The following GDAP1 variants were observed in gnomAD, a reference collection of about 807,000 sequenced individuals.
The protein encoded by GDAP1 is ganglioside induced differentiation associated protein 1.
A neutral mutation model predicts 40.1 loss-of-function variants in GDAP1; 34 were observed. The ratio of observed to expected loss-of-function variants is 0.85; its 90% CI spans 0.64 to 1.13. GDAP1 has a LOEUF of 1.13. Ranked by LOEUF, GDAP1 falls within the 50% of genes most tolerant of loss-of-function variation. GDAP1 has a pLI of 0.00. For missense variants in GDAP1, 374 were observed against 433.7 expected, an observed-to-expected ratio of 0.86 and a Z score of 1.22; for synonymous variants, 170 against 157.4, an observed-to-expected ratio of 1.08 and a Z score of -0.60.
At chr8:74,485,106 T>A (rs910824023) in intron 2 of GDAP1, among the ~76,000 whole-genome samples, 4 of 152,178 alleles carry the variant, frequency 2.6e-5, no homozygotes, top group Non-Finnish European at 1.5e-5. Context: ...TAATTTTTTT[T>A]ATAATTCCTT....
At chr8:74,375,001 G>C (rs1809826812) in intron 2 of GDAP1, among the ~76,000 whole-genome samples, 1 of 152,154 alleles carries the variant, frequency 6.6e-6, no homozygotes, top group African/African-American at 2.4e-5. Context: ...TATGAGACCA[G>C]TATAACCCTG....
Position 74,406,433 on chromosome 8 carries a change from C to T in GDAP1, c.165+55112C>T, listed in dbSNP as rs551954349. Among the ~76,000 whole-genome samples, 9 of 150,308 alleles carry T rather than the reference C, an allele frequency of 6.0e-5. 1 individual carries two copies. The highest frequency in any genetic ancestry group is 2.1e-4 in the South Asian group (1 of 4,822). Reference sequence around the variant, plus strand: ...AACACACATGCACTTCTAACAGGACCGGCATTAACATAATACTCTGTGATA... The same window carrying T: ...AACACACATGCACTTCTAACAGGACTGGCATTAACATAATACTCTGTGATA... On this transcript the variant is annotated intron_variant, in intron 2 of 2. Transcript: ENST00000523640.
chr8:74,356,865 C>T (rs565296711), intron 2 of GDAP1, among the ~76,000 whole-genome samples: 2 of 151,718 alleles, frequency 1.3e-5, no homozygotes, highest in African/African-American at 2.4e-5. Context: ...TAGGCGCGCA[C>T]CACCACGCCC....
At chr8:74,441,392 A>T (rs1236547804) in intron 2 of GDAP1, among the ~76,000 whole-genome samples, 1 of 152,178 alleles carries the variant, frequency 6.6e-6, no homozygotes, top group Non-Finnish European at 1.5e-5. Context: ...TAGATTTAGC[A>T]GCTAATAAGC....
intron 2 of GDAP1, among the ~76,000 whole-genome samples, chr8:74,467,602 C>T (rs1230784316): frequency 1.3e-5 from 2 of 152,104 alleles, no homozygotes; most frequent in Non-Finnish European, 2.9e-5. Context: ...AATAAAGCTG[C>T]TAGGTTCACT....
chr8:74,483,815 G>T (rs987809398), intron 2 of GDAP1, among the ~76,000 whole-genome samples: 2 of 152,162 alleles, frequency 1.3e-5, no homozygotes, highest in African/African-American at 2.4e-5. Flanking sequence ...GCCTTTTGTT[G>T]AACCAGGATT....
intron 2 of GDAP1, among the ~76,000 whole-genome samples, chr8:74,466,462 A>G (rs924331427): frequency 2.6e-5 from 4 of 152,228 alleles, no homozygotes; most frequent in Non-Finnish European, 2.9e-5. Context: ...TTGAGAGCCA[A>G]TGGTGAGAGC....
At chr8:74,368,120 G>A (rs1027415762), downstream of GDAP1, among the ~76,000 whole-genome samples, 11 of 152,120 alleles carry the variant, frequency 7.2e-5, no homozygotes, top group African/African-American at 2.4e-4. Flanking sequence ...ACAAAGTGCT[G>A]TCATTGAAAT....
chr8:74,443,488 C>T (rs1365337681), intron 2 of GDAP1, among the ~76,000 whole-genome samples: 1 of 152,038 alleles, frequency 6.6e-6, no homozygotes, highest in African/African-American at 2.4e-5. Flanking sequence ...CTATAAAATC[C>T]AAACATAAGC....
chr8:74,399,905 G>C (rs200393836), intron 2 of GDAP1, among the ~76,000 whole-genome samples: 1 of 144,266 alleles, frequency 6.9e-6, no homozygotes, highest in African/African-American at 2.9e-5. Context: ...TTGCACTGTC[G>C]TCTGAGAGAC....
intron 2 of GDAP1, among the ~76,000 whole-genome samples, chr8:74,358,873 G>T (rs1215792481): frequency 6.6e-6 from 1 of 152,130 alleles, no homozygotes; most frequent in Non-Finnish European, 1.5e-5. Flanking sequence ...CACAATCCAT[G>T]GCAATATCAG....
intron 2 of GDAP1, among the ~76,000 whole-genome samples, chr8:74,408,172 A>G (rs915530598): frequency 3.3e-5 from 5 of 150,198 alleles, no homozygotes; most frequent in African/African-American, 5.1e-5. Context: ...CAAAATAAGA[A>G]AAGAGGAAGA....
Position 74,364,459 on chromosome 8 carries a change from T to C in GDAP1, c.*92T>C. The stretch of plus-strand genomic sequence containing the variant: ...TCTCTGAGTCTGTCTTATTGAGTAG[T>C]TAGCAGTATTTTTTCCTAAAATTCA... On this transcript the variant is annotated 3_prime_UTR_variant, in exon 6 of 6. Coordinates refer to ENST00000220822, the MANE Select transcript of GDAP1 (RefSeq NM_018972.4). 1.6e-6 allele frequency: 2 copies of C among 1,260,760 alleles called. No individual in the cohort carries two copies. Among genetic ancestry groups the C allele is most frequent in the Non-Finnish European group, 2.3e-6 (2 of 871,162 alleles). 78.1% of individuals were successfully genotyped at this position (1,260,760 alleles called of 1,614,324 possible). A position where few individuals can be genotyped will look rare whatever the true frequency, so the allele number is the denominator to read the frequency against.
intron 2 of GDAP1, among the ~76,000 whole-genome samples, chr8:74,400,892 C>T (rs1372919801): frequency 2.7e-5 from 4 of 149,690 alleles, no homozygotes; most frequent in Non-Finnish European, 4.4e-5. Flanking sequence ...CCACTCTCTT[C>T]TGGCTTATAG....
intron 2 of GDAP1, among the ~76,000 whole-genome samples, chr8:74,398,350 T>C (rs1052410632): frequency 6.6e-6 from 1 of 152,142 alleles, no homozygotes; most frequent in African/African-American, 2.4e-5. Flanking sequence ...ATTTTGAGTC[T>C]ATGTGTGTCT....
chr8:74,447,885 T>C (rs1806252249), intron 2 of GDAP1, among the ~76,000 whole-genome samples: 1 of 152,170 alleles, frequency 6.6e-6, no homozygotes, highest in African/African-American at 2.4e-5. Context: ...ATGAATTTCA[T>C]GCTTAGACTT....
At chr8:74,373,658 C>T (rs1185156645) in intron 2 of GDAP1, among the ~76,000 whole-genome samples, 8 of 152,186 alleles carry the variant, frequency 5.3e-5, no homozygotes, top group Non-Finnish European at 8.8e-5. Context: ...AGATTTTGGG[C>T]TGAGATGATG....
rs554184515 is a variant in GDAP1 at position 74,480,050 on chromosome 8, G to A, written c.166-8628G>A. Among the ~76,000 whole-genome samples the A allele has an allele frequency of 3.8e-4, 55 of 146,458 alleles. No homozygotes were observed. The South Asian group carries it at 6.4e-3, about 17-fold the overall frequency. ...GTTGCCCAGGCTGGAGTGCAGTGGC[G>A]CAATCTTGGCTCACTGCAACCTCTG... On this transcript the variant is annotated intron_variant, in intron 2 of 2. Transcript: ENST00000523640.
intron 2 of GDAP1, among the ~76,000 whole-genome samples, chr8:74,382,946 A>G (rs528926355): frequency 3.5e-4 from 53 of 152,222 alleles, no homozygotes; most frequent in Non-Finnish European, 7.1e-4. Flanking sequence ...TTTAGAATTC[A>G]TGGCATTTGA....
Sources: gnomAD v4.1 joint callset for allele counts (sites outside exome capture counted in the v4.1 genomes callset) on GRCh38, gnomAD v4.1.1 for gene constraint, MANE v1.5 for transcripts, NCBI Gene and HGNC (gene_info 2026-07-23, HGNC 2026-07-21) for gene names.